DNAH5: variants seen among roughly 807,000 people sequenced by gnomAD.
DNAH5 encodes dynein axonemal heavy chain 5, also known as axonemal beta dynein heavy chain 5.
In DNAH5, 372 loss-of-function variants were observed where a neutral mutation model predicts 518.2. The ratio of observed to expected loss-of-function variants is 0.72; its 90% CI spans 0.66 to 0.78. The LOEUF (loss-of-function observed/expected upper bound fraction) is 0.78. DNAH5 is among the 30% of genes least tolerant of loss of function. The pLI is 0.00. For missense variants in DNAH5, 5,523 were observed against 5,687.0 expected, an observed-to-expected ratio of 0.97 and a Z score of 0.93; for synonymous variants, 2,039 against 2,025.9, an observed-to-expected ratio of 1.01 and a Z score of -0.17.
At chr5:13,699,480 A>G (rs1579800637) in intron 78 of DNAH5, among the ~76,000 whole-genome samples, 1 of 152,300 alleles carries the variant, frequency 6.6e-6, no homozygotes. Flanking sequence ...TTGGGAGGCC[A>G]AGGCGGGGGC....
intron 21 of DNAH5, among the ~76,000 whole-genome samples, chr5:13,878,668 A>G (rs1771232034): frequency 6.6e-6 from 1 of 152,294 alleles, no homozygotes; most frequent in African/African-American, 2.4e-5. Flanking sequence ...TTAATGATCT[A>G]GCTAGCTCTG....
intron 69 of DNAH5, among the ~76,000 whole-genome samples, chr5:13,728,667 T>C (rs910788072): frequency 2.0e-5 from 3 of 152,140 alleles, no homozygotes; most frequent in Admixed American, 6.5e-5. Context: ...CATAAAAGGA[T>C]AGCAGAACAT....
At chr5:13,817,315 G>C (rs921210918) in intron 42 of DNAH5, among the ~76,000 whole-genome samples, 5 of 152,062 alleles carry the variant, frequency 3.3e-5, no homozygotes, top group Non-Finnish European at 7.4e-5. Flanking sequence ...AAATATCACA[G>C]GGATACAGAC....
intron 1 of DNAH5, among the ~76,000 whole-genome samples, chr5:13,978,947 T>C (rs557703701): frequency 6.6e-6 from 1 of 152,220 alleles, no homozygotes; most frequent in South Asian, 2.1e-4. Context: ...GTCTCACCAC[T>C]CTACTCTCAC....
At chr5:13,974,290 A>AT (rs1169239914) in intron 1 of DNAH5, among the ~76,000 whole-genome samples, 6 of 151,616 alleles carry the variant, frequency 4.0e-5, no homozygotes, top group African/African-American at 1.2e-4. Flanking sequence ...ACCACCTGTA[A>AT]TTTTTTGTAT....
chr5:13,730,967 G>T (rs1486470720), intron 68 of DNAH5, among the ~76,000 whole-genome samples: 1 of 152,084 alleles, frequency 6.6e-6, no homozygotes, highest in Non-Finnish European at 1.5e-5. Flanking sequence ...CCCTCCCAAA[G>T]CACTGGGATT....
intron 12 of DNAH5, among the ~76,000 whole-genome samples, chr5:13,909,492 C>T (rs1433228877): frequency 1.3e-5 from 2 of 152,024 alleles, no homozygotes; most frequent in Non-Finnish European, 2.9e-5. Context: ...CAACCACAGC[C>T]TCCTCTCTGA....
At chr5:13,871,419 T>A (rs1770083240) in intron 23 of DNAH5, 145 bp downstream of exon 23, 4 of 727,462 alleles carry the variant, frequency 5.5e-6, no homozygotes, top group East Asian at 5.4e-5. Context: ...GAAAATTTTT[T>A]AAAAATCCAC....
At chr5:13,949,412 C>G (rs529307386), upstream of DNAH5, among the ~76,000 whole-genome samples, 5 of 152,282 alleles carry the variant, frequency 3.3e-5, no homozygotes, top group African/African-American at 1.2e-4. Flanking sequence ...TTGAGCTATA[C>G]TCACAAAAGA....
rs1750536171 is a variant in DNAH5, at chr5:13,753,435, A to G, written c.10670T>C (p.Phe3557Ser). The G allele has an allele frequency of 6.2e-7, 1 of 1,614,078 alleles. No individual in the cohort carries two copies. The highest frequency in any genetic ancestry group is 2.2e-5 in the East Asian group (1 of 44,866). Residue 3557 changes from phenylalanine (F) to serine (S), a missense_variant, in exon 63 of 79, where the codon TTT becomes TCT. Physicochemically the swap from Phe to Ser is radical, Grantham distance 155 (BLOSUM62 -2). Coordinates refer to ENST00000265104, the MANE Select transcript of DNAH5 (RefSeq NM_001369.3). ...RKEMKARKIPFGKNLNLSEML... is the reference protein window; with the variant it reads ...RKEMKARKIPSGKNLNLSEML... ...CTCACTGAGATTTAGGTTCTTTCCA[A>G]ATGGAATTTTCCGGGCTTTCATTTC...
rs201068342 is a variant in DNAH5 at position 13,735,882 on chromosome 5, C to A, written c.11506G>T (p.Val3836Phe). The change falls in exon 67 of 79, where the codon GTT becomes TTT. Residue 3836 changes from valine to phenylalanine, a missense_variant. Transcript: ENST00000265104. ...AGCGAAGTCTGATACATCTCATTAA[C>A]CAAGCGCATCTCAGTAATGAGGAAG... Reference protein sequence around the residue: ...LYFLITEMRLVNEMYQTSLRQ... With the variant: ...LYFLITEMRLFNEMYQTSLRQ... 11 of 1,614,006 alleles carry A rather than the reference C, an allele frequency of 6.8e-6. No individual in the cohort carries two copies. The highest frequency in any genetic ancestry group is 9.3e-6 in the Non-Finnish European group (11 of 1,180,002).
intron 1 of DNAH5, among the ~76,000 whole-genome samples, chr5:13,943,851 C>G (rs1432833924): frequency 6.6e-6 from 1 of 152,194 alleles, no homozygotes; most frequent in Non-Finnish European, 1.5e-5. Flanking sequence ...CCAAATCCCT[C>G]TCTATGCATT....
At chr5:13,928,300 C>A in intron 2 of DNAH5, 122 bp from the exon 3 acceptor site, 1 of 693,162 alleles carries the variant, frequency 1.4e-6, no homozygotes, top group Non-Finnish European at 2.5e-6. Flanking sequence ...AACAGGACTG[C>A]ATCTAATGTA....
At chr5:13,789,283 A>G (rs1756578923) in intron 50 of DNAH5, among the ~76,000 whole-genome samples, 2 of 152,208 alleles carry the variant, frequency 1.3e-5, no homozygotes, top group Admixed American at 1.3e-4. Flanking sequence ...CAGAATATGA[A>G]CAACTCTCAT....
Position 13,850,744 on chromosome 5 carries a change from A to G in DNAH5, c.5022T>C (p.Ser1674=). 2 of 1,613,898 alleles carry G rather than the reference A, an allele frequency of 1.2e-6. No homozygotes were observed. The highest frequency in any genetic ancestry group is 2.2e-5 in the East Asian group (1 of 44,890). ...KIMTRAHEVP[S]VVQCCVGDET... is the part of the protein sequence containing the mutation. ...CATCTCCAACACAGCACTGGACTAC[A>G]CTGGGCACTTCATGTGCCCGAGTCA... The change falls in exon 31 of 79, where the codon AGT becomes AGC. Residue 1674 remains serine, a synonymous_variant. Transcript: ENST00000265104.
chr5:13,915,467 T>C (rs1314199367), intron 9 of DNAH5, among the ~76,000 whole-genome samples: 1 of 152,090 alleles, frequency 6.6e-6, no homozygotes, highest in Non-Finnish European at 1.5e-5. Context: ...ATAACACACA[T>C]TTACTTGTGG....
intron 47 of DNAH5, among the ~76,000 whole-genome samples, chr5:13,795,572 A>G (rs1223728233): frequency 6.6e-6 from 1 of 152,186 alleles, no homozygotes; most frequent in African/African-American, 2.4e-5. Context: ...CCTACCAACC[A>G]AAAAAAGTCC....
chr5:13,846,538 G>C (rs1033112362), intron 31 of DNAH5, among the ~76,000 whole-genome samples: 3 of 152,154 alleles, frequency 2.0e-5, no homozygotes, highest in Admixed American at 6.5e-5. Flanking sequence ...TTGCTGAGTG[G>C]GGTGTCCAGG....
chr5:13,809,277 C>T, intron 45 of DNAH5, 91 bp from the exon 46 acceptor site: 1 of 1,453,560 alleles, frequency 6.9e-7, no homozygotes, highest in Admixed American at 1.7e-5. Context: ...TATGAGGTCA[C>T]CTTCCAAATT....
Sources: gnomAD v4.1 joint callset for allele counts (sites outside exome capture counted in the v4.1 genomes callset) on GRCh38, gnomAD v4.1.1 for gene constraint, MANE v1.5 for transcripts, NCBI Gene and HGNC (gene_info 2026-07-23, HGNC 2026-07-21) for gene names.